The following EIF2B3 variants were observed in gnomAD, a reference collection of about 807,000 sequenced individuals.
EIF2B3 encodes eukaryotic translation initiation factor 2B subunit gamma.
A neutral mutation model predicts 54.1 loss-of-function variants in EIF2B3; 20 were observed. The observed-to-expected ratio is 0.37, with a 90% CI of 0.26 to 0.54. The LOEUF (loss-of-function observed/expected upper bound fraction) is 0.54. Among genes scored for constraint, EIF2B3 ranks in the 20% least tolerant of loss-of-function variants. EIF2B3 has a pLI of 0.86. For synonymous variants in EIF2B3, 153 were observed against 188.1 expected (o/e 0.81, Z 1.52); for missense variants, 448 against 547.8 (o/e 0.82, Z 1.82).
chr1:44,950,523 C>A (rs1178704671), intron 3 of EIF2B3, among the ~76,000 whole-genome samples: 1 of 151,804 alleles, frequency 6.6e-6, no homozygotes, highest in Non-Finnish European at 1.5e-5. Context: ...AGAAGAGAAC[C>A]TTTCGGGTTA....
intron 4 of EIF2B3, among the ~76,000 whole-genome samples, chr1:44,939,428 T>C (rs1016861079): frequency 3.9e-5 from 6 of 152,326 alleles, no homozygotes; most frequent in South Asian, 2.1e-4. Flanking sequence ...AGGTAGCTAA[T>C]AGTTACAGTT....
At chr1:44,919,415 A>G (rs1643691581) in intron 5 of EIF2B3, among the ~76,000 whole-genome samples, 1 of 147,396 alleles carries the variant, frequency 6.8e-6, no homozygotes, top group South Asian at 2.1e-4. Context: ...TCACCTGCAC[A>G]TTTTTGTGGT....
chr1:44,928,495 G>C (rs919909191), intron 4 of EIF2B3, among the ~76,000 whole-genome samples: 2 of 146,574 alleles, frequency 1.4e-5, no homozygotes, highest in Non-Finnish European at 3.0e-5. Flanking sequence ...TATTTAGGGC[G>C]CTTCGTTTTT....
intron 8 of EIF2B3, among the ~76,000 whole-genome samples, chr1:44,877,222 A>C (rs1267328041): frequency 1.3e-5 from 2 of 148,782 alleles, no homozygotes; most frequent in Admixed American, 6.6e-5. Context: ...AAAAAAAAAA[A>C]CACCTTAGGT....
chr1:44,939,118 A>G (rs1485697203), intron 4 of EIF2B3, among the ~76,000 whole-genome samples: 2 of 151,346 alleles, frequency 1.3e-5, no homozygotes, highest in African/African-American at 4.8e-5. Flanking sequence ...AAAAAAAAAA[A>G]AAAAAAAAGA....
At chr1:44,971,516 G>T (rs1644399385) in intron 3 of EIF2B3, among the ~76,000 whole-genome samples, 1 of 152,108 alleles carries the variant, frequency 6.6e-6, no homozygotes, top group Admixed American at 6.6e-5. Context: ...CCAAGTATTA[G>T]AGGAACTTAT....
chr1:44,902,677 A>C (rs1643332405), intron 5 of EIF2B3, among the ~76,000 whole-genome samples: 2 of 151,184 alleles, frequency 1.3e-5, no homozygotes, highest in South Asian at 4.2e-4. Flanking sequence ...AAGAAAGAAA[A>C]ACTAGCCAGG....
intron 1 of EIF2B3, among the ~76,000 whole-genome samples, chr1:44,986,124 C>CTTTCT (rs1337158510): frequency 2.7e-5 from 4 of 146,966 alleles, no homozygotes; most frequent in Admixed American, 7.0e-5. Context: ...AACTTCGTTT[C>CTTTCT]TTTCTTTTCT....
intron 3 of EIF2B3, among the ~76,000 whole-genome samples, chr1:44,977,125 T>C (rs144612683): frequency 1.8e-4 from 27 of 152,314 alleles, no homozygotes; most frequent in African/African-American, 6.5e-4. Context: ...AGAAGAAAGT[T>C]TGTCTCCCAT....
intron 6 of EIF2B3, among the ~76,000 whole-genome samples, chr1:44,882,957 T>A (rs1569610201): frequency 7.6e-6 from 1 of 131,130 alleles, no homozygotes; most frequent in Non-Finnish European, 1.6e-5. Context: ...TGAGATGGAG[T>A]CTCGCTCTGT....
intron 5 of EIF2B3, among the ~76,000 whole-genome samples, chr1:44,908,559 T>A (rs11808433): frequency 1.6e-3 from 240 of 152,306 alleles, no homozygotes; most frequent in African/African-American, 5.1e-3. Context: ...CAATTTTTCA[T>A]AGCTACTGAT....
At chr1:44,984,211 A>G (rs573799209) in intron 1 of EIF2B3, among the ~76,000 whole-genome samples, 1 of 151,946 alleles carries the variant, frequency 6.6e-6, no homozygotes, top group Admixed American at 6.6e-5. Flanking sequence ...AAAAGAGCCA[A>G]AAGAGCGCCA....
chr1:44,972,505 G>T (rs1248850923), intron 3 of EIF2B3: 1 of 152,354 alleles, frequency 6.6e-6, no homozygotes, highest in Non-Finnish European at 1.5e-5. Flanking sequence ...AGGAAGGTGA[G>T]GCAGGAGAAT....
rs755755644 is a variant in EIF2B3 at position 44,857,775 on chromosome 1, T to C, written c.1235A>G (p.Asn412Ser). The C allele has an allele frequency of 1.9e-6, 3 of 1,614,098 alleles. No individual in the cohort carries two copies. The East Asian group carries it at 6.7e-5, about 36-fold the overall frequency. Residue 412 changes from asparagine to serine, a missense_variant, in exon 11 of 12, where the codon AAT becomes AGT. Asn to Ser is a conservative substitution (Grantham distance 46, BLOSUM62 1). This residue lies in a region of EIF2B3 where 350 missense variants were observed against 414.2 expected (regional missense o/e 0.85). Transcript: ENST00000360403. ...GTCTGCACCCTTCTCGATCACAGCATTGTTGCAGATGACACTGCCTTGGAT... is the reference window on the plus strand; with the variant it reads ...GTCTGCACCCTTCTCGATCACAGCACTGTTGCAGATGACACTGCCTTGGAT... ...SNIQGSVICN[N>S]AVIEKGADIK...
intron 3 of EIF2B3, among the ~76,000 whole-genome samples, chr1:44,941,947 C>T (rs148024132): frequency 2.0e-5 from 3 of 152,212 alleles, no homozygotes; most frequent in East Asian, 3.9e-4. Context: ...TGAAAACCAC[C>T]ACATTGTCTA....
chr1:44,852,115 ATTTTTTT>A (rs34314171), intron 11 of EIF2B3, among the ~76,000 whole-genome samples: 84 of 133,270 alleles, frequency 6.3e-4, no homozygotes, highest in Non-Finnish European at 8.9e-4. Flanking sequence ...CACATGGCTA[ATTTTTTT>A]TTTTTTTTTT....
chr1:44,872,941 TGA>T (rs1655010196), intron 10 of EIF2B3, among the ~76,000 whole-genome samples: 1 of 152,214 alleles, frequency 6.6e-6, no homozygotes, highest in Non-Finnish European at 1.5e-5. Context: ...GTGAAATGCT[TGA>T]GAGGGGTCTC....
At chr1:44,886,137 T>C (rs1244274228) in intron 6 of EIF2B3, among the ~76,000 whole-genome samples, 1 of 152,016 alleles carries the variant, frequency 6.6e-6, no homozygotes, top group African/African-American at 2.4e-5. Context: ...TGGAATGCAG[T>C]GGCACGGTCT....
intron 5 of EIF2B3, among the ~76,000 whole-genome samples, chr1:44,917,215 C>T (rs952603565): frequency 2.0e-5 from 3 of 152,184 alleles, no homozygotes; most frequent in African/African-American, 7.2e-5. Context: ...GCAGATGTGC[C>T]AGGTGCGGTG....
Sources: allele counts gnomAD v4.1 joint callset (sites outside exome capture counted in the v4.1 genomes callset), GRCh38; gene constraint gnomAD v4.1.1; regional missense constraint gnomAD v4.1.1; transcripts MANE v1.5; gene names NCBI Gene and HGNC (gene_info 2026-07-23, HGNC 2026-07-21).